SORBS2: variants seen among roughly 807,000 people sequenced by gnomAD.
The protein encoded by SORBS2 is sorbin and SH3 domain containing 2, also known as sorbin and SH3 domain-containing protein 2.
Under a neutral mutation model 97.7 loss-of-function variants are expected in SORBS2, and 46 were observed. That is an observed-to-expected ratio of 0.47 (90% CI 0.37 to 0.60). The LOEUF is 0.60. Ranked by LOEUF, SORBS2 falls within the 20% of genes least tolerant of loss-of-function variation. The pLI, the probability that SORBS2 is intolerant of heterozygous loss-of-function variation, is 0.00. For missense variants in SORBS2, 1,316 were observed against 1,282.3 expected (o/e 1.03, Z -0.40); for synonymous variants, 476 against 473.4 (o/e 1.01, Z -0.07).
intron 6 of SORBS2, among the ~76,000 whole-genome samples, chr4:185,625,148 T>C (rs1407724816): frequency 6.6e-6 from 1 of 152,256 alleles, no homozygotes; most frequent in Non-Finnish European, 1.5e-5. Flanking sequence ...CAAACGAATT[T>C]ACCTCTTAAA....
chr4:185,639,579 G>A (rs774534189), intron 4 of SORBS2, among the ~76,000 whole-genome samples: 10 of 152,168 alleles, frequency 6.6e-5, no homozygotes, highest in Non-Finnish European at 1.2e-4. Flanking sequence ...GATTTAGGCT[G>A]CTGATTTTGT....
At chr4:185,661,225 G>A (rs1207174679), upstream of SORBS2, among the ~76,000 whole-genome samples, 2 of 150,770 alleles carry the variant, frequency 1.3e-5, no homozygotes, top group Non-Finnish European at 2.9e-5. Flanking sequence ...GCAGTGAGCC[G>A]AGATCGCCCC....
At chr4:185,690,223 C>A (rs539817323) in intron 2 of SORBS2, among the ~76,000 whole-genome samples, 2 of 152,312 alleles carry the variant, frequency 1.3e-5, no homozygotes, top group South Asian at 4.2e-4. Flanking sequence ...TCTTCTAGAG[C>A]AACTTGCCTT....
intron 1 of SORBS2, among the ~76,000 whole-genome samples, chr4:185,926,232 AT>A (rs1223722853): frequency 6.6e-6 from 1 of 152,248 alleles, no homozygotes; most frequent in Non-Finnish European, 1.5e-5. Context: ...CCTGGCTGCA[AT>A]GCCAAGAGGG....
chr4:185,717,828 A>AT lies in SORBS2; in HGVS notation c.-197-39007dup, dbSNP rs1424583434. ...GGTTTACAACACAACTCTTCTGCTT[A>AT]TTAGCCGCATGACCTGGGGTGAGTT... On this transcript the variant is annotated intron_variant, in intron 2 of 20. Transcript: ENST00000284776. 2.0e-5 allele frequency among the ~76,000 whole-genome samples: 3 copies of AT among 152,378 alleles called. No homozygotes were observed. The East Asian group carries it at 5.8e-4, about 29-fold the overall frequency.
intron 2 of SORBS2, among the ~76,000 whole-genome samples, chr4:185,752,957 C>T (rs370998367): frequency 1.3e-5 from 2 of 152,152 alleles, no homozygotes; most frequent in South Asian, 2.1e-4. Context: ...CATTAATATG[C>T]CACACTTAGA....
At chr4:185,827,753 TCATCAC>T (rs142620531) in intron 1 of SORBS2, among the ~76,000 whole-genome samples, 44,824 of 78,462 alleles carry the variant, frequency 0.57, 15,778 homozygotes, top group Non-Finnish European at 0.63. Context: ...ATCATCACCA[TCATCAC>T]CATCATCATC....
intron 2 of SORBS2, among the ~76,000 whole-genome samples, chr4:185,760,183 T>A (rs891164323): frequency 1.3e-5 from 2 of 152,226 alleles, no homozygotes; most frequent in African/African-American, 4.8e-5. Flanking sequence ...TTTGTTTCCA[T>A]CGAATTGGCA....
intron 4 of SORBS2, among the ~76,000 whole-genome samples, chr4:185,632,991 C>T (rs1025986605): frequency 1.3e-5 from 2 of 152,120 alleles, no homozygotes; most frequent in Non-Finnish European, 2.9e-5. Flanking sequence ...TGAAAATTAT[C>T]TCCAGAAAAG....
intron 2 of SORBS2, among the ~76,000 whole-genome samples, chr4:185,748,841 T>A (rs1212498925): frequency 6.6e-6 from 1 of 152,210 alleles, no homozygotes; most frequent in Non-Finnish European, 1.5e-5. Flanking sequence ...CTAGGCTGTT[T>A]CTGGAGCCTC....
chr4:185,806,018 T>A (rs1399222862), intron 1 of SORBS2, among the ~76,000 whole-genome samples: 1 of 152,234 alleles, frequency 6.6e-6, no homozygotes, highest in Non-Finnish European at 1.5e-5. Context: ...TTTTGTTGTT[T>A]AGTAGCATAA....
At chr4:185,781,408 C>T (rs1438514997) in intron 1 of SORBS2, among the ~76,000 whole-genome samples, 1 of 152,256 alleles carries the variant, frequency 6.6e-6, no homozygotes, top group Non-Finnish European at 1.5e-5. Context: ...CTCCATGTGG[C>T]CCACTGAAGG....
At chr4:185,931,396 G>A (rs1473234358) in intron 1 of SORBS2, among the ~76,000 whole-genome samples, 1 of 152,142 alleles carries the variant, frequency 6.6e-6, no homozygotes, top group Non-Finnish European at 1.5e-5. Flanking sequence ...ATTTTATGAG[G>A]GGGGACACCA....
At chr4:185,905,905 A>G (rs1210028456) in intron 1 of SORBS2, among the ~76,000 whole-genome samples, 2 of 152,220 alleles carry the variant, frequency 1.3e-5, no homozygotes, top group East Asian at 1.9e-4. Flanking sequence ...ATGAGAATCA[A>G]CACAATCTCC....
chr4:185,769,567 G>A (rs985278162), intron 2 of SORBS2, among the ~76,000 whole-genome samples: 8 of 151,970 alleles, frequency 5.3e-5, no homozygotes, highest in Admixed American at 2.0e-4. Context: ...CTCGGCTCAC[G>A]GCAACCTGTG....
intron 2 of SORBS2, among the ~76,000 whole-genome samples, chr4:185,741,283 CAG>C (rs1044895767): frequency 6.6e-6 from 1 of 151,330 alleles, no homozygotes; most frequent in African/African-American, 2.4e-5. Flanking sequence ...GAGAGAATAA[CAG>C]AGGGACATGC....
At chr4:185,868,147 C>CTTTTTTCTTTT (rs1554043746) in intron 1 of SORBS2, among the ~76,000 whole-genome samples, 16 of 89,796 alleles carry the variant, frequency 1.8e-4, no homozygotes, top group Non-Finnish European at 2.8e-4. Flanking sequence ...CTTTTCTTTT[C>CTTTTTTCTTTT]TTTTTTTCTT....
At chr4:185,888,426 A>G (rs571281704) in intron 1 of SORBS2, among the ~76,000 whole-genome samples, 1 of 152,320 alleles carries the variant, frequency 6.6e-6, no homozygotes, top group East Asian at 1.9e-4. Context: ...GGTAGCCACC[A>G]AAATTTGGAA....
chr4:185,739,668 T>G (rs1309528379), intron 2 of SORBS2, among the ~76,000 whole-genome samples: 2 of 152,166 alleles, frequency 1.3e-5, no homozygotes, highest in African/African-American at 4.8e-5. Flanking sequence ...TCATCACTCT[T>G]TTTAAAATCT....
Sources: gnomAD v4.1 joint callset for allele counts (sites outside exome capture counted in the v4.1 genomes callset) on GRCh38, gnomAD v4.1.1 for gene constraint, MANE v1.5 for transcripts, NCBI Gene and HGNC (gene_info 2026-07-23, HGNC 2026-07-21) for gene names.